The following MTRF1 variants were observed in gnomAD, a reference collection of about 807,000 sequenced individuals.
MTRF1 encodes mitochondrial translation release factor 1.
MTRF1 carries 51 observed loss-of-function variants against 62.9 expected under a neutral mutation model. The ratio of observed to expected loss-of-function variants is 0.81; its 90% CI spans 0.65 to 1.02. The LOEUF is 1.02. MTRF1 is among the 50% of genes least tolerant of loss of function. MTRF1 has a pLI of 0.00. For synonymous variants in MTRF1, 158 were observed against 181.9 expected, an observed-to-expected ratio of 0.87 and a Z score of 1.06; for missense variants, 446 against 530.0, an observed-to-expected ratio of 0.84 and a Z score of 1.56.
intron 5 of MTRF1, among the ~76,000 whole-genome samples, chr13:41,243,404 C>CAAA (rs371273057): frequency 5.6e-4 from 43 of 76,302 alleles, no homozygotes; most frequent in Admixed American, 8.0e-4. Context: ...GACCCTGTCT[C>CAAA]AAAAAAAAAA....
In MTRF1 at chr13:41,240,256, G is replaced by GTTACC; in HGVS notation, c.870_870+4dup. On this transcript the variant is annotated splice_donor_region_variant and intron_variant, in intron 6 of 9. Coordinates refer to ENST00000379480, the MANE Select transcript of MTRF1 (RefSeq NM_004294.4). Reference sequence around the variant, plus strand: ...TGAGTTTCCCTTGCCTCCTCCTGAGGTTACCTCATCTGGCTGAGGAAGGAC... The same window carrying GTTACC: ...TGAGTTTCCCTTGCCTCCTCCTGAGGTTACCTTACCTCATCTGGCTGAGGAAGGAC... 6.2e-7 allele frequency: 1 copy of GTTACC among 1,604,362 alleles called. No homozygotes were observed. The highest frequency in any genetic ancestry group is 8.5e-7 in the Non-Finnish European group (1 of 1,174,488).
At chr13:41,248,608 G>A (rs2038605902) in intron 5 of MTRF1, among the ~76,000 whole-genome samples, 1 of 152,210 alleles carries the variant, frequency 6.6e-6, no homozygotes, top group Non-Finnish European at 1.5e-5. Context: ...AGTGATCACA[G>A]AGCTCTTGAA....
At chr13:41,309,961 A>G in the MTRF1 span, among the ~76,000 whole-genome samples, 8 of 152,202 alleles carry the variant, frequency 5.3e-5, no homozygotes, top group African/African-American at 1.7e-4. Context: ...GCGCCATTGC[A>G]TTCCAGCCTC....
rs531288773 is a variant in MTRF1, at chr13:41,221,323, A to AT, written c.1224+1932dup. On this transcript the variant is annotated intron_variant, in intron 9 of 9. Coordinates refer to ENST00000379480, the MANE Select transcript of MTRF1 (RefSeq NM_004294.4). ...AGGTGCCCACCACCATGCCCGGCTAATTTTTTTTTGTATTTTTAGTAGAGA... is the reference window on the plus strand; with the variant it reads ...AGGTGCCCACCACCATGCCCGGCTAATTTTTTTTTTGTATTTTTAGTAGAGA... 9.5e-3 allele frequency among the ~76,000 whole-genome samples: 1,426 copies of AT among 150,626 alleles called. 22 individuals carry two copies. The highest frequency in any genetic ancestry group is 0.033 in the African/African-American group (1,343 of 41,060).
chr13:41,303,829 C>T, the MTRF1 span, among the ~76,000 whole-genome samples: 1 of 152,170 alleles, frequency 6.6e-6, no homozygotes, highest in Admixed American at 6.5e-5. Flanking sequence ...AGATAAATAT[C>T]GATCCTTGCA....
the MTRF1 span, among the ~76,000 whole-genome samples, chr13:41,292,894 C>G: frequency 1.3e-5 from 2 of 152,120 alleles, no homozygotes; most frequent in Non-Finnish European, 2.9e-5. Flanking sequence ...TATGATTATG[C>G]CACAGCACTC....
At chr13:41,236,726 G>A (rs2036648571) in intron 6 of MTRF1, 1 of 152,172 alleles carries the variant, frequency 6.6e-6, no homozygotes, top group Non-Finnish European at 1.5e-5. Context: ...AGTATATTAA[G>A]TAGTTACATA....
chr13:41,253,527 C>T (rs1449230933), intron 3 of MTRF1, among the ~76,000 whole-genome samples: 3 of 152,164 alleles, frequency 2.0e-5, no homozygotes, highest in Non-Finnish European at 1.5e-5. Flanking sequence ...CAAGATAAGG[C>T]TCAAAATGAG....
Position 41,217,231 on chromosome 13 carries a change from G to A in MTRF1, c.1225-3C>T, listed in dbSNP as rs771664815. 5 of 1,557,750 alleles carry A rather than the reference G, an allele frequency of 3.2e-6. No individual in the cohort carries two copies. In the South Asian group the frequency reaches 3.5e-5, roughly 11 times the overall value. On this transcript the variant is annotated splice_polypyrimidine_tract_variant and splice_region_variant and intron_variant, in intron 9 of 9. Transcript: ENST00000379480. ...CCCTTCCCACCACATAAAAATTCCT[G>A]GTAAAAGAGAGAGCTATTATGAAAC...
Position 41,217,230 on chromosome 13 carries a change from T to G in MTRF1, c.1225-2A>C. The G allele has an allele frequency of 1.3e-6, 2 of 1,574,392 alleles. No individual in the cohort carries two copies. Among genetic ancestry groups the G allele is most frequent in the Non-Finnish European group, 8.7e-7 (1 of 1,149,734 alleles). On this transcript the variant is annotated splice_acceptor_variant, in intron 9 of 9. Transcript: ENST00000379480. LOFTEE classifies it high-confidence loss of function. ...GCCCTTCCCACCACATAAAAATTCC[T>G]GGTAAAAGAGAGAGCTATTATGAAA... is the stretch of plus-strand genomic sequence containing the variant.
At chr13:41,220,012 A>AAAC (rs1256872435) in intron 9 of MTRF1, among the ~76,000 whole-genome samples, 2 of 150,072 alleles carry the variant, frequency 1.3e-5, no homozygotes, top group Non-Finnish European at 3.0e-5. Context: ...AAAAAAAAAA[A>AAAC]AAAAAAAAGA....
the MTRF1 span, among the ~76,000 whole-genome samples, chr13:41,271,760 T>C: frequency 6.6e-6 from 1 of 152,110 alleles, no homozygotes; most frequent in Admixed American, 6.5e-5. Flanking sequence ...GCCATTCTGC[T>C]GGGAGGAGCA....
chr13:41,295,678 T>C, the MTRF1 span, among the ~76,000 whole-genome samples: 7 of 152,228 alleles, frequency 4.6e-5, no homozygotes, highest in African/African-American at 1.7e-4. Context: ...ACCATGTAAC[T>C]TCTATATAGC....
chr13:41,246,069 C>T (rs73179128), intron 5 of MTRF1, among the ~76,000 whole-genome samples: 7,754 of 152,164 alleles, frequency 0.051, 257 homozygotes, highest in Non-Finnish European at 0.079. Context: ...TATTGGAGAG[C>T]GTAAACCTCC....
chr13:41,270,067 G>A, the MTRF1 span, among the ~76,000 whole-genome samples: 12 of 152,258 alleles, frequency 7.9e-5, no homozygotes, highest in Non-Finnish European at 1.3e-4. Flanking sequence ...CAATATCAAT[G>A]TCTTGTTTAT....
intron 1 of MTRF1, among the ~76,000 whole-genome samples, 155 bp from the exon 2 acceptor site, chr13:41,261,070 A>G (rs968594771): frequency 6.6e-6 from 1 of 152,226 alleles, no homozygotes; most frequent in African/African-American, 2.4e-5. Context: ...GCAGTGGCTC[A>G]CGCCAGTAAT....
the MTRF1 span, among the ~76,000 whole-genome samples, chr13:41,276,858 T>C: frequency 6.6e-6 from 1 of 152,110 alleles, no homozygotes; most frequent in African/African-American, 2.4e-5. Context: ...TATTGTCCTT[T>C]TGAGATATCT....
At chr13:41,234,031 TTCTAC>T in intron 6 of MTRF1, 24 bp from the exon 7 acceptor site, 1 of 1,503,624 alleles carries the variant, frequency 6.7e-7, no homozygotes, top group East Asian at 2.3e-5. Context: ...CATGGCATAA[TTCTAC>T]ACTCCGTGAA....
intron 5 of MTRF1, among the ~76,000 whole-genome samples, chr13:41,246,418 T>C (rs555201554): frequency 2.0e-5 from 3 of 152,282 alleles, no homozygotes; most frequent in Middle Eastern, 6.8e-3. Flanking sequence ...AATGAAGATA[T>C]AACCATTTGG....
Sources: allele counts gnomAD v4.1 joint callset (sites outside exome capture counted in the v4.1 genomes callset), GRCh38; gene constraint gnomAD v4.1.1; transcripts MANE v1.5; gene names NCBI Gene and HGNC (gene_info 2026-07-23, HGNC 2026-07-21).